MTA3: variants seen among roughly 807,000 people sequenced by gnomAD.
The protein encoded by MTA3 is metastasis associated 1 family member 3.
Under a neutral mutation model 83.5 loss-of-function variants are expected in MTA3, and 34 were observed. That is an observed-to-expected ratio of 0.41 (90% confidence interval 0.31 to 0.54). The LOEUF is 0.54. Ranked by LOEUF, MTA3 falls within the 20% of genes least tolerant of loss-of-function variation. The probability of loss-of-function intolerance (pLI) is 0.33; values close to 1 mark genes in which losing one functional copy is unlikely to be tolerated. For synonymous variants in MTA3, 303 were observed against 252.7 expected, an observed-to-expected ratio of 1.20 and a Z score of -1.89; for missense variants, 761 against 726.4, an observed-to-expected ratio of 1.05 and a Z score of -0.55.
Position 42,697,831 on chromosome 2 carries a change from C to G in MTA3, c.1022C>G (p.Thr341Ser), listed in dbSNP as rs1389426795. Residue 341 changes from threonine (T) to serine (S), a missense_variant, in exon 11 of 17, where the codon ACC (threonine) becomes AGC (serine). Thr to Ser is a moderately conservative substitution (Grantham distance 58). Transcript: ENST00000405094. ...AAACTGAAACAAGTATATATCCCAA[C>G]CTAGTAAGTAATTGAAATCTTTTAA... ...ESKLKQVYIP[T>S]YSKPNPNQIS... is the part of the protein sequence containing the mutation. 3.3e-6 allele frequency: 5 copies of G among 1,521,008 alleles called. No homozygotes were observed. The highest frequency in any genetic ancestry group is 4.4e-6 in the Non-Finnish European group (5 of 1,131,520). 94.2% of individuals were successfully genotyped at this position (1,521,008 alleles called of 1,614,324 possible).
intron 14 of MTA3, 181 bp downstream of exon 14, chr2:42,709,277 T>TA (rs1666396614): frequency 7.5e-7 from 1 of 1,340,554 alleles, no homozygotes; most frequent in Non-Finnish European, 9.4e-7. Context: ...CATGCCAACC[T>TA]GGAAAAAAAA....
chr2:42,525,090 TA>T (rs1227162988), intron 2 of MTA3, among the ~76,000 whole-genome samples: 1 of 151,580 alleles, frequency 6.6e-6, no homozygotes, highest in Non-Finnish European at 1.5e-5. Context: ...GTATATCTCC[TA>T]ATGCTATCCC....
intron 4 of MTA3, among the ~76,000 whole-genome samples, chr2:42,635,137 G>A (rs185877084): frequency 8.2e-4 from 125 of 152,266 alleles, no homozygotes; most frequent in Admixed American, 2.8e-3. Flanking sequence ...TTTTGAATCT[G>A]TGCTATTCTG....
At chr2:42,590,904 C>T (rs752979122) in intron 3 of MTA3, among the ~76,000 whole-genome samples, 18 of 152,168 alleles carry the variant, frequency 1.2e-4, no homozygotes, top group Non-Finnish European at 2.4e-4. Flanking sequence ...TTCCAGTTTT[C>T]ATGACTGTGT....
At chr2:42,655,938 A>T (rs985063874) in intron 6 of MTA3, among the ~76,000 whole-genome samples, 1 of 152,192 alleles carries the variant, frequency 6.6e-6, no homozygotes, top group Non-Finnish European at 1.5e-5. Flanking sequence ...TTAGCATGGC[A>T]CTTACTGCCT....
Position 42,625,629 on chromosome 2 carries a change from C to G in MTA3, c.318-14544C>G, listed in dbSNP as rs919780452. Among the ~76,000 whole-genome samples, 10 of 150,022 alleles carry G rather than the reference C, an allele frequency of 6.7e-5. No homozygotes were observed. The South Asian group carries it at 1.7e-3, about 26-fold the overall frequency. The stretch of plus-strand genomic sequence containing the variant: ...GGGCGTGGTGGCAGGCGCCTGTAGT[C>G]CCAGCTACTAAGGAGGCTGAGGTAG... On this transcript the variant is annotated intron_variant, in intron 4 of 16. Coordinates refer to ENST00000405094, the MANE Select transcript of MTA3 (RefSeq NM_001330442.2).
intron 2 of MTA3, among the ~76,000 whole-genome samples, chr2:42,546,321 A>C (rs1239552727): frequency 6.6e-6 from 1 of 152,134 alleles, no homozygotes; most frequent in Non-Finnish European, 1.5e-5. Context: ...CCCCACACTG[A>C]GGAAGAAGCC....
chr2:42,528,673 G>T (rs991383700), intron 2 of MTA3, among the ~76,000 whole-genome samples: 3 of 152,326 alleles, frequency 2.0e-5, no homozygotes, highest in Admixed American at 1.3e-4. Flanking sequence ...AAAATTGCCT[G>T]CCCTTTCTGA....
At chr2:42,680,338 G>A (rs1450615390) in intron 8 of MTA3, 1 of 152,292 alleles carries the variant, frequency 6.6e-6, no homozygotes, top group Non-Finnish European at 1.5e-5. Flanking sequence ...AGCTGGCACT[G>A]AGACCTTGAC....
intron 11 of MTA3, among the ~76,000 whole-genome samples, chr2:42,701,324 G>A (rs978767522): frequency 6.9e-6 from 1 of 145,612 alleles, no homozygotes. Context: ...TAAAGGCCAG[G>A]CATGGTGGCT....
chr2:42,691,428 C>T (rs1692890056), intron 9 of MTA3, among the ~76,000 whole-genome samples: 1 of 152,178 alleles, frequency 6.6e-6, no homozygotes. Context: ...ATTTTAACTT[C>T]ATTCCCCTTT....
chr2:42,591,291 A>AT (rs1171400815), intron 3 of MTA3, among the ~76,000 whole-genome samples: 2 of 152,214 alleles, frequency 1.3e-5, no homozygotes, highest in Non-Finnish European at 1.5e-5. Flanking sequence ...AGTAGAAAGG[A>AT]TAAAAAGTGA....
chr2:42,647,344 C>T (rs1688309739), intron 6 of MTA3, among the ~76,000 whole-genome samples: 1 of 151,784 alleles, frequency 6.6e-6, no homozygotes, highest in South Asian at 2.1e-4. Context: ...GTGCCTCGAC[C>T]TCTCGAGTAG....
rs1007759988 is a variant in MTA3 at position 42,612,672 on chromosome 2, C to G, written c.317+3088C>G. ...GGTCAGGATTCTGAGACCAGCCTAG[C>G]CAACATGGTGAAACCTCCTCTCTAC... On this transcript the variant is annotated intron_variant, in intron 4 of 16. Transcript: ENST00000405094. Among the ~76,000 whole-genome samples, 13 of 152,128 alleles carry G rather than the reference C, an allele frequency of 8.5e-5. No individual in the cohort carries two copies. The East Asian group carries it at 1.9e-3, about 23-fold the overall frequency.
At chr2:42,731,679 A>G (rs912664070) in intron 16 of MTA3, among the ~76,000 whole-genome samples, 2 of 152,084 alleles carry the variant, frequency 1.3e-5, no homozygotes, top group East Asian at 3.9e-4. Context: ...ATATCATTCC[A>G]CCCCTGGCCC....
At chr2:42,660,670 G>A (rs1689610004) in intron 8 of MTA3, among the ~76,000 whole-genome samples, 1 of 152,166 alleles carries the variant, frequency 6.6e-6, no homozygotes, top group Non-Finnish European at 1.5e-5. Flanking sequence ...CGAGAAAACT[G>A]AGTTTGGTGA....
chr2:42,596,721 C>T (rs1297203433), intron 3 of MTA3, among the ~76,000 whole-genome samples: 1 of 152,012 alleles, frequency 6.6e-6, no homozygotes, highest in African/African-American at 2.4e-5. Context: ...TTTAGAAAGC[C>T]TTGTGTTAGC....
chr2:42,518,691 T>C (rs1366658109), intron 2 of MTA3, among the ~76,000 whole-genome samples: 1 of 151,958 alleles, frequency 6.6e-6, no homozygotes, highest in Non-Finnish European at 1.5e-5. Context: ...AAGAATATAG[T>C]ATAGGCCAGG....
At chr2:42,646,804 T>G (rs1688231889) in intron 6 of MTA3, among the ~76,000 whole-genome samples, 5 of 152,096 alleles carry the variant, frequency 3.3e-5, no homozygotes. Context: ...TTTGGAATAT[T>G]ATATAAACTT....
Sources: allele counts gnomAD v4.1 joint callset (sites outside exome capture counted in the v4.1 genomes callset), GRCh38; gene constraint gnomAD v4.1.1; transcripts MANE v1.5; gene names NCBI Gene and HGNC (gene_info 2026-07-23, HGNC 2026-07-21).